XPA: variants seen among roughly 807,000 people sequenced by gnomAD.
XPA encodes XPA, DNA damage recognition and repair factor, also known as DNA repair protein complementing XP-A cells.
XPA carries 27 observed loss-of-function variants against 35.7 expected under a neutral mutation model. The observed-to-expected ratio is 0.76, with a 90% confidence interval of 0.56 to 1.04. The LOEUF is 1.04. Among genes scored for constraint, XPA ranks in the 50% least tolerant of loss-of-function variants. The pLI, the probability that XPA is intolerant of heterozygous loss-of-function variation, is 0.00. For synonymous variants in XPA, 133 were observed against 118.4 expected (o/e 1.12, Z -0.80); for missense variants, 354 against 342.7 (o/e 1.03, Z -0.26).
chr9:97,664,524 T>G, the XPA span: 1 of 954,548 alleles, frequency 1.0e-6, no homozygotes, highest in Non-Finnish European at 1.6e-6. Context: ...CTTCAAATTC[T>G]GGTCCAAACC....
At chr9:97,687,768 A>G (rs957315917) in intron 3 of XPA, among the ~76,000 whole-genome samples, 1 of 152,222 alleles carries the variant, frequency 6.6e-6, no homozygotes, top group African/African-American at 2.4e-5. Context: ...TGGTCCAGGC[A>G]AGAGCTGATG....
rs185639571 is a variant in XPA at position 97,697,103 on chromosome 9, C to T, written c.172+18G>A. ...GAGGCGGGGAGAGGGAAGGGGAAAG[C>T]GCGGACGCGGCCCAAACCTCCAGTA... On this transcript the variant is annotated intron_variant, in intron 1 of 5. Coordinates refer to ENST00000375128, the MANE Select transcript of XPA (RefSeq NM_000380.4). The T allele has an allele frequency of 4.6e-6, 7 of 1,525,838 alleles. No homozygotes were observed. The East Asian group carries it at 1.5e-4, about 33-fold the overall frequency. 94.5% of individuals were successfully genotyped at this position (1,525,838 alleles called of 1,614,324 possible). A position where few individuals can be genotyped will look rare whatever the true frequency, so the allele number is the denominator to read the frequency against.
the XPA span, among the ~76,000 whole-genome samples, chr9:97,660,445 G>A: frequency 2.0e-5 from 3 of 152,098 alleles, no homozygotes; most frequent in East Asian, 5.8e-4. Context: ...TGTGGACTCA[G>A]CAAAAAAGAA....
At position 97,687,432 on chromosome 9, in the gene XPA, A is replaced by G. The variant is rs571726832; in HGVS notation, c.390-171T>C. Among the ~76,000 whole-genome samples the G allele has an allele frequency of 3.9e-5, 6 of 152,352 alleles. No homozygotes were observed. In the East Asian group the frequency reaches 1.2e-3, roughly 29 times the overall value. ...AAGAATTCTAACAGAAAAATACTTTATCTTTTACTTATTCTGGTAAGTTAC... is the reference window on the plus strand; with the variant it reads ...AAGAATTCTAACAGAAAAATACTTTGTCTTTTACTTATTCTGGTAAGTTAC... On this transcript the variant is annotated intron_variant, in intron 3 of 5. Coordinates refer to ENST00000375128, the MANE Select transcript of XPA (RefSeq NM_000380.4).
At chr9:97,696,523 G>C (rs1829047935) in intron 1 of XPA, among the ~76,000 whole-genome samples, 2 of 152,110 alleles carry the variant, frequency 1.3e-5, no homozygotes, top group Admixed American at 1.3e-4. Context: ...TTACTATCCA[G>C]TCCCTTCTTC....
chr9:97,680,798 A>G (rs952252249), intron 5 of XPA, among the ~76,000 whole-genome samples: 1 of 152,202 alleles, frequency 6.6e-6, no homozygotes, highest in African/African-American at 2.4e-5. Context: ...AGAAGAGTGA[A>G]AAAAGGTCTG....
intron 3 of XPA, among the ~76,000 whole-genome samples, chr9:97,688,923 A>G (rs530118083): frequency 1.1e-4 from 17 of 152,314 alleles, no homozygotes; most frequent in Admixed American, 3.3e-4. Context: ...AAGACCTTCA[A>G]TGTGCAAAAG....
chr9:97,666,431 A>T, the XPA span, among the ~76,000 whole-genome samples: 1 of 152,216 alleles, frequency 6.6e-6, no homozygotes, highest in Non-Finnish European at 1.5e-5. Context: ...GGAGAGGAAA[A>T]ATGTATTTCC....
intron 2 of XPA, 75 bp from the exon 3 acceptor site, chr9:97,689,714 TATC>T: frequency 1.2e-6 from 1 of 819,122 alleles, no homozygotes; most frequent in Non-Finnish European, 2.0e-6. Flanking sequence ...TTTATTAGCT[TATC>T]AGCATGTATG....
chr9:97,662,007 T>C, the XPA span: 1 of 1,500,640 alleles, frequency 6.7e-7, no homozygotes, highest in Non-Finnish European at 9.3e-7. Flanking sequence ...TTGCTGTGCT[T>C]ACATTTTTCT....
intron 5 of XPA, among the ~76,000 whole-genome samples, chr9:97,679,281 G>C (rs1184791996): frequency 1.3e-5 from 2 of 152,150 alleles, no homozygotes; most frequent in East Asian, 3.8e-4. Context: ...TATAGAAAGA[G>C]CATGCAAATG....
intron 1 of XPA, among the ~76,000 whole-genome samples, chr9:97,694,493 G>A (rs1256321269): frequency 6.6e-6 from 1 of 152,050 alleles, no homozygotes; most frequent in African/African-American, 2.4e-5. Context: ...ATATCCAAAC[G>A]GCCAAAAAGC....
intron 2 of XPA, among the ~76,000 whole-genome samples, chr9:97,691,917 GTAAA>G (rs1828903667): frequency 2.3e-5 from 3 of 131,176 alleles, no homozygotes; most frequent in Non-Finnish European, 5.0e-5. Context: ...ATATATATAT[GTAAA>G]TAAATAAATT....
chr9:97,674,825 T>C (rs1253734026), downstream of XPA: 6 of 392,556 alleles, frequency 1.5e-5, no homozygotes, highest in Admixed American at 2.1e-4. Context: ...AACAGCTCTT[T>C]TCCATTTTAA....
the XPA span, chr9:97,664,392 C>T: frequency 1.9e-6 from 3 of 1,612,760 alleles, no homozygotes. Context: ...GTTGATTGTG[C>T]TGCCGTAGCA....
chr9:97,693,563 C>T, intron 2 of XPA, 86 bp downstream of exon 2: 1 of 1,155,342 alleles, frequency 8.7e-7, no homozygotes, highest in Non-Finnish European at 1.3e-6. Flanking sequence ...GTAGTTATGG[C>T]ATTATTTAGC....
At chr9:97,681,905 ACT>A (rs1828553837) in intron 5 of XPA, among the ~76,000 whole-genome samples, 1 of 151,826 alleles carries the variant, frequency 6.6e-6, no homozygotes, top group East Asian at 1.9e-4. Flanking sequence ...ATTCAAAAGA[ACT>A]CTCCAAATAC....
chr9:97,676,689 AAG>A (rs1828375841), intron 5 of XPA, among the ~76,000 whole-genome samples: 1 of 152,230 alleles, frequency 6.6e-6, no homozygotes, highest in East Asian at 1.9e-4. Flanking sequence ...ACAACCCTTT[AAG>A]ATAAGTAGAA....
At chr9:97,692,862 C>G (rs1297300112) in intron 2 of XPA, among the ~76,000 whole-genome samples, 1 of 152,100 alleles carries the variant, frequency 6.6e-6, no homozygotes, top group Non-Finnish European at 1.5e-5. Context: ...CAGCCACCCC[C>G]CAACCCCACC....
Sources: allele counts gnomAD v4.1 joint callset (sites outside exome capture counted in the v4.1 genomes callset), GRCh38; gene constraint gnomAD v4.1.1; transcripts MANE v1.5; gene names NCBI Gene and HGNC (gene_info 2026-07-23, HGNC 2026-07-21).